COX10: variants seen among roughly 807,000 people sequenced by gnomAD.
COX10 encodes the protein protoheme IX farnesyltransferase, mitochondrial.
COX10 carries 27 observed loss-of-function variants against 37.3 expected under a neutral mutation model. That is an observed-to-expected ratio of 0.72 (90% confidence interval 0.53 to 1.00). The LOEUF is 1.00. COX10 is among the 50% of genes least tolerant of loss of function. COX10 has a pLI of 0.00. For missense variants in COX10, 475 were observed against 563.2 expected, an observed-to-expected ratio of 0.84 and a Z score of 1.59; for synonymous variants, 222 against 229.1, an observed-to-expected ratio of 0.97 and a Z score of 0.28.
At chr17:14,189,589 A>G (rs1239909975) in intron 5 of COX10, among the ~76,000 whole-genome samples, 2 of 152,214 alleles carry the variant, frequency 1.3e-5, no homozygotes, top group African/African-American at 4.8e-5. Context: ...CTGATGTCTT[A>G]TCCTCCTTAA....
intron 4 of COX10, among the ~76,000 whole-genome samples, chr17:14,156,890 A>G (rs535939213): frequency 1.6e-4 from 25 of 152,198 alleles, no homozygotes; most frequent in African/African-American, 6.0e-4. Context: ...CAGTCTTTCT[A>G]GTGGATTAGG....
At chr17:14,073,826 A>C (rs1025992354) in intron 1 of COX10, among the ~76,000 whole-genome samples, 8 of 152,170 alleles carry the variant, frequency 5.3e-5, no homozygotes, top group African/African-American at 1.9e-4. Flanking sequence ...ATTTAGATAC[A>C]ATAAAAATAG....
At chr17:14,094,273 T>TA (rs201817650) in intron 3 of COX10, among the ~76,000 whole-genome samples, 4,051 of 151,136 alleles carry the variant, frequency 0.027, 101 homozygotes, top group African/African-American at 0.073. Flanking sequence ...TAAGTGTACT[T>TA]ATGTATATTT....
intron 4 of COX10, among the ~76,000 whole-genome samples, chr17:14,126,136 A>G (rs964688880): frequency 1.3e-5 from 2 of 152,026 alleles, no homozygotes; most frequent in Non-Finnish European, 2.9e-5. Context: ...CCTTATAAGG[A>G]TGCATCTTTC....
Position 14,074,375 on chromosome 17 carries a change from C to A in COX10, c.96C>A (p.Ser32=), listed in dbSNP as rs1285456486. 6.2e-7 allele frequency: 1 copy of A among 1,613,810 alleles called. No individual in the cohort carries two copies. Among genetic ancestry groups the A allele is most frequent in the Admixed American group, 1.7e-5 (1 of 60,012 alleles). ...TTGAAAGAAGAACTATACAGGACTC[C>A]CCTCACAAGTTCTTACATCTTCTCA... The part of the protein sequence containing the change: ...WYLERRTIQD[S]PHKFLHLLRN... The change falls in exon 2 of 7, where the codon TCC becomes TCA. Residue 32 remains serine, a synonymous_variant. Coordinates refer to ENST00000261643, the MANE Select transcript of COX10 (RefSeq NM_001303.4).
At chr17:14,114,939 T>C (rs1433716766) in intron 4 of COX10, among the ~76,000 whole-genome samples, 1 of 152,160 alleles carries the variant, frequency 6.6e-6, no homozygotes, top group East Asian at 1.9e-4. Context: ...TCCTAACTCC[T>C]TGTATATGGC....
chr17:14,137,537 T>TA (rs1904410891), intron 4 of COX10, among the ~76,000 whole-genome samples: 1 of 151,942 alleles, frequency 6.6e-6, no homozygotes, highest in Admixed American at 6.6e-5. Flanking sequence ...AGTAAATACT[T>TA]ACATCTCTTT....
At chr17:14,197,587 A>G (rs1906404022) in intron 6 of COX10, among the ~76,000 whole-genome samples, 1 of 152,274 alleles carries the variant, frequency 6.6e-6, no homozygotes, top group East Asian at 1.9e-4. Context: ...GTAGGATGGC[A>G]GGGTGAAGAA....
intron 4 of COX10, among the ~76,000 whole-genome samples, chr17:14,120,463 A>G (rs1916205956): frequency 6.6e-6 from 1 of 152,212 alleles, no homozygotes; most frequent in Admixed American, 6.5e-5. Context: ...TATCACAGAA[A>G]CGGAGGGCAT....
intron 4 of COX10, among the ~76,000 whole-genome samples, chr17:14,104,622 A>G (rs1915852552): frequency 6.6e-6 from 1 of 152,138 alleles, no homozygotes; most frequent in African/African-American, 2.4e-5. Context: ...TATTTATAAA[A>G]AGATTCAAAT....
chr17:14,178,773 A>G (rs1905764906), intron 5 of COX10, among the ~76,000 whole-genome samples: 1 of 152,150 alleles, frequency 6.6e-6, no homozygotes, highest in African/African-American at 2.4e-5. Context: ...CTTAGCCCCT[A>G]GGTCCTCCAG....
chr17:14,123,830 A>G (rs1212984060), intron 4 of COX10, among the ~76,000 whole-genome samples: 2 of 152,198 alleles, frequency 1.3e-5, no homozygotes, highest in African/African-American at 2.4e-5. Flanking sequence ...CAACAGGTGC[A>G]TGCAATTTAT....
At chr17:14,203,996 A>T (rs1906621703) in intron 6 of COX10, among the ~76,000 whole-genome samples, 1 of 152,162 alleles carries the variant, frequency 6.6e-6, no homozygotes, top group Admixed American at 6.5e-5. Context: ...GAAGATAGAC[A>T]GAATCCTGTA....
intron 3 of COX10, among the ~76,000 whole-genome samples, chr17:14,092,259 C>T (rs1915544737): frequency 1.3e-5 from 2 of 152,052 alleles, no homozygotes. Flanking sequence ...TAAATGTCAA[C>T]CAAATGCTTC....
chr17:14,154,823 G>C (rs1260206634), intron 4 of COX10, among the ~76,000 whole-genome samples: 1 of 151,958 alleles, frequency 6.6e-6, no homozygotes, highest in African/African-American at 2.4e-5. Context: ...TTCAACCCCA[G>C]GGTCAGAAAC....
At chr17:14,176,864 T>A (rs1446220844) in intron 5 of COX10, among the ~76,000 whole-genome samples, 4 of 152,076 alleles carry the variant, frequency 2.6e-5, no homozygotes, top group Non-Finnish European at 5.9e-5. Context: ...TGACCTTGAA[T>A]ATATGTAATA....
chr17:14,165,482 T>C (rs1401648188), intron 5 of COX10, among the ~76,000 whole-genome samples: 2 of 152,250 alleles, frequency 1.3e-5, no homozygotes, highest in Non-Finnish European at 1.5e-5. Context: ...GCAAACTTAA[T>C]CGATAAGTGG....
rs917528121 is a variant in COX10 at position 14,208,105 on chromosome 17, G to A, written c.*892G>A. The A allele has an allele frequency of 1.1e-4, 16 of 152,292 alleles. No individual in the cohort carries two copies. Among genetic ancestry groups the A allele is most frequent in the African/African-American group, 3.9e-4 (16 of 41,436 alleles). The allele number at this position is 152,292 out of a possible 1,614,324, so 9.4% of individuals were successfully genotyped here. A position where few individuals can be genotyped will look rare whatever the true frequency, so the allele number is the denominator to read the frequency against. ...GAGAAGGGAAGTTAGGAAGAAGGGT[G>A]TGCTGGGCTAACCAGCCCACAGAGC... On this transcript the variant is annotated 3_prime_UTR_variant, in exon 7 of 7. Coordinates refer to ENST00000261643, the MANE Select transcript of COX10 (RefSeq NM_001303.4).
chr17:14,126,809 A>G (rs1345232731), intron 4 of COX10, among the ~76,000 whole-genome samples: 7 of 152,116 alleles, frequency 4.6e-5, no homozygotes, highest in Non-Finnish European at 8.8e-5. Context: ...TGAATTATTA[A>G]TATCTCTCTT....
Sources: gnomAD v4.1 joint callset for allele counts (sites outside exome capture counted in the v4.1 genomes callset) on GRCh38, gnomAD v4.1.1 for gene constraint, MANE v1.5 for transcripts, NCBI Gene and HGNC (gene_info 2026-07-23, HGNC 2026-07-21) for gene names.